Variants in MCPH1 observed in about 807,000 individuals in gnomAD.
MCPH1 encodes the protein microcephalin.
MCPH1 carries 104 observed loss-of-function variants against 84.5 expected under a neutral mutation model. That is an observed-to-expected ratio of 1.23 (90% CI 1.05 to 1.45). The LOEUF is 1.45. MCPH1 is among the 40% of genes most tolerant of loss of function. MCPH1 has a pLI of 0.00. For missense variants in MCPH1, 1,498 were observed against 1,005.7 expected (o/e 1.49, Z -6.62); for synonymous variants, 514 against 366.8 (o/e 1.40, Z -4.58).
At chr8:6,516,716 C>T (rs1238475561) in intron 12 of MCPH1, among the ~76,000 whole-genome samples, 1 of 152,172 alleles carries the variant, frequency 6.6e-6, no homozygotes, top group African/African-American at 2.4e-5. Context: ...ATGGTATGCT[C>T]TTGGGTTGAA....
intron 12 of MCPH1, among the ~76,000 whole-genome samples, chr8:6,528,301 T>C: frequency 6.6e-6 from 1 of 152,200 alleles, no homozygotes; most frequent in East Asian, 1.9e-4. Flanking sequence ...TTTCATACAA[T>C]GAGACAAGTA....
chr8:6,514,167 G>C (rs1478370427), intron 12 of MCPH1, among the ~76,000 whole-genome samples: 1 of 152,146 alleles, frequency 6.6e-6, no homozygotes, highest in Non-Finnish European at 1.5e-5. Context: ...AAAATGCTGA[G>C]TCCACCTTTA....
chr8:6,639,071 C>G (rs1339309599), intron 13 of MCPH1, among the ~76,000 whole-genome samples: 1 of 152,168 alleles, frequency 6.6e-6, no homozygotes, highest in East Asian at 1.9e-4. Context: ...GCTTCTGTTC[C>G]ATCTTGTCTC....
At chr8:6,436,188 C>G (rs540301493) in intron 5 of MCPH1, 26 bp downstream of exon 5, 4 of 1,608,064 alleles carry the variant, frequency 2.5e-6, no homozygotes, top group Non-Finnish European at 3.4e-6. Flanking sequence ...TAATACAGTT[C>G]TTTGCATTTG....
intron 3 of MCPH1, among the ~76,000 whole-genome samples, chr8:6,429,727 G>T (rs989976105): frequency 6.6e-6 from 1 of 151,948 alleles, no homozygotes. Context: ...ATATTATTCA[G>T]TTAAGGATTC....
intron 12 of MCPH1, among the ~76,000 whole-genome samples, chr8:6,595,386 C>G (rs770303202): frequency 6.6e-5 from 10 of 152,094 alleles, no homozygotes; most frequent in Non-Finnish European, 1.2e-4. Flanking sequence ...GCTAAACTGT[C>G]CCATTGAGAA....
In MCPH1 at chr8:6,480,818, G is replaced by T. The variant is rs370011131; in HGVS notation, c.2078G>T (p.Arg693Leu). 6.2e-6 allele frequency: 10 copies of T among 1,614,150 alleles called. No homozygotes were observed. The highest frequency in any genetic ancestry group is 7.6e-6 in the Non-Finnish European group (9 of 1,180,030). The change falls in exon 11 of 14, where the codon CGC (arginine) becomes CTC (leucine). Residue 693 changes from arginine (R) to leucine (L), a missense_variant. Coordinates refer to ENST00000344683, the MANE Select transcript of MCPH1 (RefSeq NM_024596.5). ...TTHVLSGKPL[R>L]TLNVLLGIAR... is the part of the protein sequence containing the mutation. ...CACGTGCTTTCCGGGAAGCCACTTCGCACCCTGAATGTGCTGCTGGGAATT... is the reference window on the plus strand; with the variant it reads ...CACGTGCTTTCCGGGAAGCCACTTCTCACCCTGAATGTGCTGCTGGGAATT...
intron 5 of MCPH1, among the ~76,000 whole-genome samples, chr8:6,438,020 T>G (rs1802933578): frequency 6.6e-6 from 1 of 152,212 alleles, no homozygotes; most frequent in African/African-American, 2.4e-5. Context: ...ATATTCAGGA[T>G]AAAATCCTGT....
rs534554295 is a variant in MCPH1, at chr8:6,416,734, C to T, written c.233+1851C>T. Among the ~76,000 whole-genome samples the T allele has an allele frequency of 2.0e-5, 3 of 152,234 alleles. No individual in the cohort carries two copies. The East Asian group carries it at 5.8e-4, about 29-fold the overall frequency. ...ACAGGCCGGATGCGGTGGCTCACAC[C>T]TGTAATTCCAGCACTTTGGGAGGCC... On this transcript the variant is annotated intron_variant, in intron 3 of 13. Transcript: ENST00000344683.
chr8:6,560,652 G>A (rs753749340), intron 12 of MCPH1, among the ~76,000 whole-genome samples: 24 of 152,138 alleles, frequency 1.6e-4, no homozygotes, highest in Non-Finnish European at 2.6e-4. Flanking sequence ...AGCTGAAGAC[G>A]GACTTTTGAA....
At chr8:6,426,412 A>C (rs1801069146) in intron 3 of MCPH1, among the ~76,000 whole-genome samples, 1 of 152,126 alleles carries the variant, frequency 6.6e-6, no homozygotes, top group Non-Finnish European at 1.5e-5. Flanking sequence ...TAGTGTCACC[A>C]ATTCTGGGGC....
At chr8:6,507,381 C>T (rs1287661139) in intron 12 of MCPH1, among the ~76,000 whole-genome samples, 13 of 152,076 alleles carry the variant, frequency 8.5e-5, no homozygotes, top group African/African-American at 3.1e-4. Context: ...GCCAATTTTC[C>T]TGTTATTCTT....
intron 6 of MCPH1, among the ~76,000 whole-genome samples, chr8:6,441,131 G>A (rs1208067811): frequency 6.6e-6 from 1 of 152,180 alleles, no homozygotes; most frequent in Non-Finnish European, 1.5e-5. Context: ...ATGTAGTCTT[G>A]ACTGGGATGC....
intron 3 of MCPH1, among the ~76,000 whole-genome samples, chr8:6,422,244 C>G (rs550147157): frequency 1.3e-5 from 2 of 152,056 alleles, no homozygotes; most frequent in African/African-American, 4.8e-5. Context: ...ATAGTAGATG[C>G]TCAGTAAATA....
chr8:6,407,333 G>A (rs970536288), intron 1 of MCPH1, among the ~76,000 whole-genome samples: 5 of 151,950 alleles, frequency 3.3e-5, no homozygotes, highest in African/African-American at 4.8e-5. Flanking sequence ...TTTTTTAACC[G>A]CTCTATCAAC....
At position 6,480,736 on chromosome 8, in the gene MCPH1, G is replaced by A. The variant is rs746502513; in HGVS notation, c.1996G>A (p.Val666Ile). 1.2e-6 allele frequency: 2 copies of A among 1,614,172 alleles called. No homozygotes were observed. Among genetic ancestry groups the A allele is most frequent in the East Asian group, 4.5e-5 (2 of 44,874 alleles). ...PSEKQNVVIQ[V>I]VDKLKGFSIA... Reference sequence around the variant, plus strand: ...CAGAAAGCAGAATGTCGTCATCCAGGTTGTGGATAAATTGAAAGGCTTTTC... The same window carrying A: ...CAGAAAGCAGAATGTCGTCATCCAGATTGTGGATAAATTGAAAGGCTTTTC... Residue 666 changes from valine (V) to isoleucine (I), a missense_variant, in exon 11 of 14, where the codon GTT (valine) becomes ATT (isoleucine). Physicochemically the swap from Val to Ile is conservative, Grantham distance 29. Coordinates refer to ENST00000344683, the MANE Select transcript of MCPH1 (RefSeq NM_024596.5).
chr8:6,577,852 A>G (rs1349570415), intron 12 of MCPH1, among the ~76,000 whole-genome samples: 1 of 152,206 alleles, frequency 6.6e-6, no homozygotes, highest in Non-Finnish European at 1.5e-5. Context: ...TACAGAGCTA[A>G]GTGATCCAGA....
intron 12 of MCPH1, among the ~76,000 whole-genome samples, chr8:6,543,099 G>C (rs2922868): frequency 0.26 from 38,821 of 151,144 alleles, 5,139 homozygotes; most frequent in African/African-American, 0.32. Context: ...AGAAACCCCC[G>C]CAACTCCACC....
chr8:6,642,772 A>C, intron 13 of MCPH1: 1 of 591,484 alleles, frequency 1.7e-6, no homozygotes, highest in Non-Finnish European at 3.1e-6. Flanking sequence ...AAGCACTTGA[A>C]CTGGCCAGTG....
Sources: gnomAD v4.1 joint callset for allele counts (sites outside exome capture counted in the v4.1 genomes callset) on GRCh38, gnomAD v4.1.1 for gene constraint, MANE v1.5 for transcripts, NCBI Gene and HGNC (gene_info 2026-07-23, HGNC 2026-07-21) for gene names.